Variants in CASR observed in about 807,000 individuals in gnomAD.
CASR encodes the protein calcium sensing receptor.
CASR carries 23 observed loss-of-function variants against 69.1 expected under a neutral mutation model. The ratio of observed to expected loss-of-function variants is 0.33; its 90% confidence interval spans 0.24 to 0.47. The LOEUF (loss-of-function observed/expected upper bound fraction) is 0.47. Among genes scored for constraint, CASR ranks in the 20% least tolerant of loss-of-function variants. CASR has a pLI of 1.00. For missense variants in CASR, 924 were observed against 1,356.1 expected, an observed-to-expected ratio of 0.68 and a Z score of 5.00; for synonymous variants, 541 against 544.7, an observed-to-expected ratio of 0.99 and a Z score of 0.10.
At chr3:122,206,129 A>G (rs2074004458) in intron 1 of CASR, among the ~76,000 whole-genome samples, 1 of 151,986 alleles carries the variant, frequency 6.6e-6, no homozygotes, top group South Asian at 2.1e-4. Flanking sequence ...TGGTATAAAT[A>G]GTCATCCTTG....
intron 4 of CASR, among the ~76,000 whole-genome samples, chr3:122,274,914 G>A (rs574747201): frequency 2.8e-4 from 43 of 152,250 alleles, no homozygotes; most frequent in African/African-American, 1.0e-3. Context: ...GCCTCCTCTT[G>A]ACTGATGTCA....
intron 1 of CASR, among the ~76,000 whole-genome samples, chr3:122,229,834 C>T (rs1348864854): frequency 6.6e-6 from 1 of 152,050 alleles, no homozygotes; most frequent in East Asian, 1.9e-4. Context: ...TGCATTCTAG[C>T]CTGGGTGGGC....
chr3:122,211,849 C>A (rs976185870), intron 1 of CASR, among the ~76,000 whole-genome samples: 26 of 152,102 alleles, frequency 1.7e-4, no homozygotes, highest in Non-Finnish European at 3.4e-4. Context: ...ACGAAACCAA[C>A]CCACAATGAG....
At chr3:122,215,469 CCT>C (rs1277447940) in intron 1 of CASR, among the ~76,000 whole-genome samples, 4 of 152,162 alleles carry the variant, frequency 2.6e-5, no homozygotes, top group Admixed American at 6.6e-5. Flanking sequence ...ATTTAAGAAA[CCT>C]CTTTCTATTG....
At chr3:122,203,878 A>G (rs996318558) in intron 1 of CASR, among the ~76,000 whole-genome samples, 15 of 152,016 alleles carry the variant, frequency 9.9e-5, no homozygotes, top group African/African-American at 3.6e-4. Context: ...CTATATTTAG[A>G]TTTTCTTTAA....
At chr3:122,268,982 A>T (rs1041933705) in intron 4 of CASR, among the ~76,000 whole-genome samples, 2 of 152,236 alleles carry the variant, frequency 1.3e-5, no homozygotes, top group Non-Finnish European at 2.9e-5. Context: ...AAACAGGGTT[A>T]TTGAGGCATA....
chr3:122,262,933 A>G (rs1012786975), intron 4 of CASR, among the ~76,000 whole-genome samples: 13 of 152,356 alleles, frequency 8.5e-5, no homozygotes, highest in African/African-American at 2.6e-4. Flanking sequence ...ACAGAAAACA[A>G]AAACTCTTTG....
intron 1 of CASR, among the ~76,000 whole-genome samples, chr3:122,198,226 C>G (rs183590854): frequency 1.3e-5 from 2 of 152,200 alleles, no homozygotes. Context: ...GAATTTCCAC[C>G]TCTCAGAATA....
intron 6 of CASR, among the ~76,000 whole-genome samples, chr3:122,283,111 G>A (rs1321371967): frequency 2.0e-5 from 3 of 152,292 alleles, no homozygotes; most frequent in Non-Finnish European, 2.9e-5. Context: ...ACTCTGCCTT[G>A]ATCTAAAAGG....
At chr3:122,189,452 C>A (rs1383860908) in intron 1 of CASR, among the ~76,000 whole-genome samples, 1 of 152,160 alleles carries the variant, frequency 6.6e-6, no homozygotes, top group Admixed American at 6.5e-5. Flanking sequence ...GTTAAGTAAC[C>A]TGAATTAATT....
chr3:122,288,034 G>A lies in CASR; in HGVS notation c.*2843G>A, dbSNP rs551231203. On this transcript the variant is annotated 3_prime_UTR_variant, in exon 7 of 7. Transcript: ENST00000639785. ...AGAACCTATGGCTATGTTGTTACAT[G>A]GCAAGGGTGAATTAAAGTATAGTGG... 1.2e-4 allele frequency: 19 copies of A among 152,342 alleles called. No homozygotes were observed. The highest frequency in any genetic ancestry group is 3.9e-4 in the East Asian group (2 of 5,190). The allele number at this position is 152,342 out of a possible 1,614,324, so 9.4% of individuals were successfully genotyped here. A position where few individuals can be genotyped will look rare whatever the true frequency, so the allele number is the denominator to read the frequency against.
At chr3:122,236,741 T>C (rs1280448109) in intron 1 of CASR, among the ~76,000 whole-genome samples, 1 of 152,240 alleles carries the variant, frequency 6.6e-6, no homozygotes, top group Non-Finnish European at 1.5e-5. Flanking sequence ...CAAATCATGG[T>C]ACCAATTTCT....
rs773737428 is a variant in CASR, at chr3:122,282,102, C to G, written c.1609-11C>G. The G allele has an allele frequency of 6.2e-7, 1 of 1,614,110 alleles. No homozygotes were observed. The stretch of plus-strand genomic sequence containing the variant: ...CTACAGCCACTCACCTTTGTGCTGT[C>G]TGTCCTCCAGGTGCCCTTCTCCAAC... On this transcript the variant is annotated splice_polypyrimidine_tract_variant and intron_variant, in intron 5 of 6. Transcript: ENST00000639785.
chr3:122,186,869 A>G (rs2073790516), intron 1 of CASR, among the ~76,000 whole-genome samples: 1 of 152,192 alleles, frequency 6.6e-6, no homozygotes, highest in African/African-American at 2.4e-5. Context: ...CTGCCATGTG[A>G]CATTTGCTGT....
rs143738711 is a variant in CASR at position 122,284,564 on chromosome 3, G to A, written c.2610G>A (p.Glu870=). The change falls in exon 7 of 7, where the codon GAG becomes GAA. Residue 870 remains glutamate, a synonymous_variant. Coordinates refer to ENST00000639785, the MANE Select transcript of CASR (RefSeq NM_000388.4). ...TCAAGCCATCCCGCAACACCATCGA[G>A]GAGGTGCGTTGCAGCACCGCAGCTC... The part of the protein sequence containing the change: ...ILFKPSRNTI[E]EVRCSTAAHA... 9.0e-3 allele frequency: 14,580 copies of A among 1,614,086 alleles called. 170 individuals carry two copies. The highest frequency in any genetic ancestry group is 8.3e-3 in the Non-Finnish European group (9,764 of 1,180,034).
intron 1 of CASR, among the ~76,000 whole-genome samples, chr3:122,248,608 A>ATTT (rs539049283): frequency 0.017 from 2,426 of 141,678 alleles, 30 homozygotes; most frequent in South Asian, 0.067. Flanking sequence ...GCAACCTAGA[A>ATTT]TTTTTTTTTT....
In CASR at chr3:122,261,641, G is replaced by A. The variant is rs1312696638; in HGVS notation, c.606G>A (p.Glu202=). ...HQATAMADII[E]YFRWNWVGTI... is the part of the protein sequence containing the mutation. ...CCACTGCCATGGCAGACATCATCGA[G>A]TATTTCCGCTGGAACTGGGTGGGCA... The change falls in exon 4 of 7, where the codon GAG becomes GAA. Residue 202 remains glutamate, a synonymous_variant. Coordinates refer to ENST00000639785, the MANE Select transcript of CASR (RefSeq NM_000388.4). 1 of 1,614,254 alleles carries A rather than the reference G, an allele frequency of 6.2e-7. No homozygotes were observed. Among genetic ancestry groups the A allele is most frequent in the East Asian group, 2.2e-5 (1 of 44,896 alleles).
At chr3:122,188,346 G>A (rs941189437) in intron 1 of CASR, among the ~76,000 whole-genome samples, 1 of 152,202 alleles carries the variant, frequency 6.6e-6, no homozygotes, top group African/African-American at 2.4e-5. Flanking sequence ...GTGAGGGAGA[G>A]GATTTGAAGA....
At chr3:122,275,700 C>T (rs2074808939) in intron 4 of CASR, 112 bp from the exon 5 acceptor site, 1 of 781,668 alleles carries the variant, frequency 1.3e-6, no homozygotes. Context: ...AGTCACGTTC[C>T]TCCCACTTTG....
Sources: gnomAD v4.1 joint callset for allele counts (sites outside exome capture counted in the v4.1 genomes callset) on GRCh38, gnomAD v4.1.1 for gene constraint, MANE v1.5 for transcripts, NCBI Gene and HGNC (gene_info 2026-07-23, HGNC 2026-07-21) for gene names.